Variants in ASB3 observed in about 807,000 individuals in gnomAD.
ASB3 encodes ankyrin repeat and SOCS box protein 3.
ASB3 carries 41 observed loss-of-function variants against 54.5 expected under a neutral mutation model. The observed-to-expected ratio is 0.75, with a 90% CI of 0.59 to 0.98. ASB3 has a LOEUF of 0.98. ASB3 is among the 50% of genes least tolerant of loss of function. ASB3 has a pLI of 0.00. For missense variants in ASB3, 733 were observed against 620.0 expected (o/e 1.18, Z -1.94); for synonymous variants, 266 against 221.2 (o/e 1.20, Z -1.80).
Position 53,766,482 on chromosome 2 carries a change from T to A in ASB3, c.-13-897A>T, listed in dbSNP as rs143323616. On this transcript the variant is annotated intron_variant, in intron 1 of 9. Coordinates refer to ENST00000263634, the MANE Select transcript of ASB3 (RefSeq NM_016115.5). ...GTTATTAGGAGAATGCCCTTATTCT[T>A]TTTTTTTAGGGAACTTGTTCTAGGA... Among the ~76,000 whole-genome samples the A allele has an allele frequency of 5.4e-3, 826 of 152,092 alleles. 3 individuals are homozygous for A. The highest frequency in any genetic ancestry group is 0.018 in the African/African-American group (765 of 41,500).
At chr2:53,709,629 T>C (rs1669979748) in intron 7 of ASB3, among the ~76,000 whole-genome samples, 1 of 152,224 alleles carries the variant, frequency 6.6e-6, no homozygotes, top group Admixed American at 6.5e-5. Flanking sequence ...ATATGAATGA[T>C]GGGTCTATGG....
At chr2:53,679,310 C>T (rs188833666) in intron 9 of ASB3, among the ~76,000 whole-genome samples, 44 of 152,244 alleles carry the variant, frequency 2.9e-4, no homozygotes, top group African/African-American at 1.0e-3. Context: ...ATTGGTTTCC[C>T]ACAGCAACCA....
chr2:53,762,153 T>C (rs115310959), intron 2 of ASB3, among the ~76,000 whole-genome samples: 3,214 of 151,714 alleles, frequency 0.021, 50 homozygotes, highest in Middle Eastern at 0.061. Context: ...GTATTAATGG[T>C]AGTGAGAAGT....
At chr2:53,767,342 G>C (rs1458222673) in intron 1 of ASB3, 1 of 151,872 alleles carries the variant, frequency 6.6e-6, no homozygotes, top group Non-Finnish European at 1.5e-5. Context: ...TTTTTTTTCA[G>C]GACATAAAAT....
chr2:53,704,364 A>G (rs1185865729), intron 7 of ASB3, among the ~76,000 whole-genome samples: 2 of 151,350 alleles, frequency 1.3e-5, no homozygotes, highest in Non-Finnish European at 3.0e-5. Flanking sequence ...TGTCTCAAAA[A>G]AAAAAAAAAA....
chr2:53,678,261 A>C (rs1458971427), intron 9 of ASB3, among the ~76,000 whole-genome samples: 1 of 152,044 alleles, frequency 6.6e-6, no homozygotes, highest in African/African-American at 2.4e-5. Flanking sequence ...TCATCCTACA[A>C]AACTGCAGCT....
intron 7 of ASB3, among the ~76,000 whole-genome samples, chr2:53,703,714 A>G (rs960198873): frequency 1.3e-5 from 2 of 152,238 alleles, no homozygotes; most frequent in Non-Finnish European, 2.9e-5. Context: ...CAACAGGTCA[A>G]TAGTGCAAGA....
intron 9 of ASB3, among the ~76,000 whole-genome samples, chr2:53,675,311 T>C (rs545596798): frequency 1.2e-4 from 19 of 152,138 alleles, no homozygotes; most frequent in Non-Finnish European, 2.2e-4. Context: ...ATTACATGTA[T>C]ACTATTAACC....
intron 2 of ASB3, among the ~76,000 whole-genome samples, chr2:53,755,546 G>A (rs768121739): frequency 1.3e-5 from 2 of 152,154 alleles, no homozygotes; most frequent in Non-Finnish European, 2.9e-5. Context: ...TGTAATAAAT[G>A]TCAAGATTAT....
At chr2:53,733,049 C>T (rs1472597875) in intron 3 of ASB3, among the ~76,000 whole-genome samples, 1 of 152,156 alleles carries the variant, frequency 6.6e-6, no homozygotes, top group East Asian at 1.9e-4. Flanking sequence ...AACTACCTAG[C>T]AAATAAAACA....
At chr2:53,721,069 G>T (rs1372427471) in intron 5 of ASB3, among the ~76,000 whole-genome samples, 1 of 151,334 alleles carries the variant, frequency 6.6e-6, no homozygotes, top group Non-Finnish European at 1.5e-5. Flanking sequence ...AGTGAGCCAA[G>T]ATCATGCCAC....
At chr2:53,731,245 C>T (rs1671293336) in intron 3 of ASB3, among the ~76,000 whole-genome samples, 2 of 151,892 alleles carry the variant, frequency 1.3e-5, no homozygotes, top group Admixed American at 6.6e-5. Context: ...ACTAAAAATA[C>T]AAAAAAATTA....
At chr2:53,735,286 C>T (rs781097447) in intron 3 of ASB3, among the ~76,000 whole-genome samples, 4 of 152,054 alleles carry the variant, frequency 2.6e-5, no homozygotes, top group East Asian at 1.9e-4. Context: ...CATCTCTAGG[C>T]GAATGATTGC....
intron 1 of ASB3, among the ~76,000 whole-genome samples, chr2:53,769,381 T>C (rs1673729822): frequency 6.6e-6 from 1 of 152,264 alleles, no homozygotes; most frequent in Admixed American, 6.5e-5. Flanking sequence ...CAGGCTCCAA[T>C]TATAATGACC....
At chr2:53,778,461 T>C (rs1314002817) in intron 1 of ASB3, among the ~76,000 whole-genome samples, 1 of 152,184 alleles carries the variant, frequency 6.6e-6, no homozygotes, top group Non-Finnish European at 1.5e-5. Context: ...AGTACATTAT[T>C]AGTCACTATA....
rs966107272 is a variant in ASB3, at chr2:53,743,901, G to A, written c.355+6882C>T. 3.3e-5 allele frequency among the ~76,000 whole-genome samples: 5 copies of A among 151,926 alleles called. No homozygotes were observed. In the East Asian group the frequency reaches 9.7e-4, roughly 29 times the overall value. On this transcript the variant is annotated intron_variant, in intron 3 of 9. Coordinates refer to ENST00000263634, the MANE Select transcript of ASB3 (RefSeq NM_016115.5). ...CCACTAAATGTACAAAAATTAGCCT[G>A]GCATGGTGGCAGGCACCTGTAAGCT...
chr2:53,779,088 G>A (rs931748149), intron 1 of ASB3, among the ~76,000 whole-genome samples: 7 of 152,138 alleles, frequency 4.6e-5, no homozygotes, highest in African/African-American at 1.7e-4. Context: ...GACACATATT[G>A]GGGTGATATC....
intron 1 of ASB3, among the ~76,000 whole-genome samples, chr2:53,785,698 G>A (rs932378066): frequency 6.6e-6 from 1 of 152,132 alleles, no homozygotes; most frequent in African/African-American, 2.4e-5. Flanking sequence ...CAAAAATTAG[G>A]GTGTAGCGGC....
At chr2:53,750,974 G>C (rs1672480409) in intron 2 of ASB3, 33 bp from the exon 3 acceptor site, 1 of 1,439,108 alleles carries the variant, frequency 6.9e-7, no homozygotes, top group Non-Finnish European at 9.2e-7. Flanking sequence ...CAACTAGAAG[G>C]TATTACTTCT....
Sources: allele counts gnomAD v4.1 joint callset (sites outside exome capture counted in the v4.1 genomes callset), GRCh38; gene constraint gnomAD v4.1.1; transcripts MANE v1.5; gene names NCBI Gene and HGNC (gene_info 2026-07-23, HGNC 2026-07-21).